The following GALNT13 variants were observed in gnomAD, a reference collection of about 807,000 sequenced individuals.
GALNT13 encodes UDP-GalNAc:polypeptide N-acetylgalactosaminyltransferase 13.
A neutral mutation model predicts 64.2 loss-of-function variants in GALNT13; 28 were observed. The ratio of observed to expected loss-of-function variants is 0.44; its 90% CI spans 0.32 to 0.60. GALNT13 has a LOEUF of 0.60. Ranked by LOEUF, GALNT13 falls within the 20% of genes least tolerant of loss-of-function variation. The pLI is 0.05. For synonymous variants in GALNT13, 214 were observed against 224.6 expected (o/e 0.95, Z 0.42); for missense variants, 577 against 669.8 (o/e 0.86, Z 1.53).
chr2:153,827,700 C>T, the GALNT13 span, among the ~76,000 whole-genome samples: 4 of 151,266 alleles, frequency 2.6e-5, no homozygotes, highest in African/African-American at 9.7e-5. Flanking sequence ...CCTCCCAAAT[C>T]TCATGTCCTC....
the GALNT13 span, among the ~76,000 whole-genome samples, chr2:153,137,596 T>C: frequency 1.3e-5 from 2 of 152,136 alleles, no homozygotes; most frequent in East Asian, 3.9e-4. Context: ...TGTACCTGGA[T>C]AAATTATTTT....
At chr2:154,422,106 G>A (rs2105426669) in intron 11 of GALNT13, among the ~76,000 whole-genome samples, 1 of 152,232 alleles carries the variant, frequency 6.6e-6, no homozygotes, top group South Asian at 2.1e-4. Flanking sequence ...AGTTTTACAA[G>A]TAGAAGAGCT....
At chr2:153,858,907 A>AT in the GALNT13 span, among the ~76,000 whole-genome samples, 1 of 151,636 alleles carries the variant, frequency 6.6e-6, no homozygotes, top group Non-Finnish European at 1.5e-5. Flanking sequence ...TAATTTTTGT[A>AT]TTTTTTAGTA....
At chr2:154,221,506 T>A (rs1185717952) in intron 4 of GALNT13, among the ~76,000 whole-genome samples, 1 of 152,052 alleles carries the variant, frequency 6.6e-6, no homozygotes, top group Non-Finnish European at 1.5e-5. Context: ...GAATCTGTAA[T>A]TATAGACTAA....
At chr2:153,610,687 A>AATAAAC in the GALNT13 span, among the ~76,000 whole-genome samples, 710 of 152,208 alleles carry the variant, frequency 4.7e-3, 3 homozygotes, top group African/African-American at 0.016. Context: ...TAAAAATAAA[A>AATAAAC]ATAAACAGAT....
the GALNT13 span, among the ~76,000 whole-genome samples, chr2:153,235,318 G>A: frequency 1.3e-5 from 2 of 152,160 alleles, no homozygotes; most frequent in Non-Finnish European, 2.9e-5. Context: ...GTAAGCAAGA[G>A]AGTTTATTAC....
intron 3 of GALNT13, among the ~76,000 whole-genome samples, chr2:153,952,655 T>C (rs1692277249): frequency 2.0e-5 from 3 of 152,004 alleles, no homozygotes; most frequent in African/African-American, 7.2e-5. Context: ...ACTAATAGGA[T>C]AGATGTATAT....
chr2:154,043,455 TAC>T (rs1553470480), intron 3 of GALNT13, among the ~76,000 whole-genome samples: 2 of 104,996 alleles, frequency 1.9e-5, no homozygotes, highest in South Asian at 4.0e-4. Context: ...TATATATATA[TAC>T]ACACATGTAT....
chr2:153,361,223 T>A, the GALNT13 span, among the ~76,000 whole-genome samples: 23 of 152,036 alleles, frequency 1.5e-4, no homozygotes, highest in African/African-American at 5.6e-4. Flanking sequence ...GTCAGCAGCC[T>A]CAGAGATTGA....
rs1218854212 is a variant in GALNT13, at chr2:154,088,524, T to C, written c.143-51813T>C. Among the ~76,000 whole-genome samples, 6 of 152,212 alleles carry C rather than the reference T, an allele frequency of 3.9e-5. No homozygotes were observed. The East Asian group carries it at 9.6e-4, about 24-fold the overall frequency. Reference sequence around the variant, plus strand: ...TGGAGTGCAATGGCACGATCTTGGCTCACTGCAACCTCCGCCTCCCAGGTT... The same window carrying C: ...TGGAGTGCAATGGCACGATCTTGGCCCACTGCAACCTCCGCCTCCCAGGTT... On this transcript the variant is annotated intron_variant, in intron 3 of 12. Coordinates refer to ENST00000392825, the MANE Select transcript of GALNT13 (RefSeq NM_052917.4).
chr2:154,433,246 G>GCACTGCCTAAGGTTAGCCTGCCTC (rs1700786713), intron 11 of GALNT13, among the ~76,000 whole-genome samples: 2 of 152,266 alleles, frequency 1.3e-5, no homozygotes, highest in Admixed American at 1.3e-4. Context: ...GGAGCTGACT[G>GCACTGCCTAAGGTTAGCCTGCCTC]CACTGCCTAA....
the GALNT13 span, among the ~76,000 whole-genome samples, chr2:153,363,990 T>A: frequency 6.6e-6 from 1 of 152,066 alleles, no homozygotes; most frequent in Non-Finnish European, 1.5e-5. Context: ...AAATCCTCAA[T>A]AAAATACTAG....
chr2:153,842,229 A>G, the GALNT13 span, among the ~76,000 whole-genome samples: 1 of 152,182 alleles, frequency 6.6e-6, no homozygotes, highest in Non-Finnish European at 1.5e-5. Flanking sequence ...AAATGAGCCC[A>G]ACATTCTTTA....
chr2:153,946,208 T>C (rs73965327), intron 3 of GALNT13, among the ~76,000 whole-genome samples: 9,361 of 152,170 alleles, frequency 0.062, 597 homozygotes, highest in African/African-American at 0.16. Flanking sequence ...GGAAACCATC[T>C]AGGTTGGTCA....
At chr2:153,522,277 G>C in the GALNT13 span, among the ~76,000 whole-genome samples, 20 of 151,942 alleles carry the variant, frequency 1.3e-4, no homozygotes, top group African/African-American at 4.6e-4. Context: ...AGGTCGCAGT[G>C]AGCCCAGATC....
the GALNT13 span, among the ~76,000 whole-genome samples, chr2:153,840,025 A>G: frequency 6.6e-6 from 1 of 152,076 alleles, no homozygotes; most frequent in Non-Finnish European, 1.5e-5. Context: ...TCCTCCTAGT[A>G]GGGAACTATA....
chr2:153,248,461 C>T, the GALNT13 span, among the ~76,000 whole-genome samples: 4 of 151,842 alleles, frequency 2.6e-5, no homozygotes, highest in Non-Finnish European at 4.4e-5. Context: ...AGGGCAAAAA[C>T]CGCTTGATTA....
chr2:154,071,928 T>C (rs1411840856), intron 3 of GALNT13, among the ~76,000 whole-genome samples: 2 of 152,090 alleles, frequency 1.3e-5, no homozygotes, highest in African/African-American at 4.8e-5. Flanking sequence ...ATGATGTGCC[T>C]TACAATGAGA....
chr2:153,549,486 C>G, the GALNT13 span, among the ~76,000 whole-genome samples: 1 of 152,146 alleles, frequency 6.6e-6, no homozygotes, highest in African/African-American at 2.4e-5. Flanking sequence ...CTTGCTTTGA[C>G]CCACAGAATG....
Sources: allele counts gnomAD v4.1 joint callset (sites outside exome capture counted in the v4.1 genomes callset), GRCh38; gene constraint gnomAD v4.1.1; transcripts MANE v1.5; gene names NCBI Gene and HGNC (gene_info 2026-07-23, HGNC 2026-07-21).